UNC45B: variants seen among roughly 807,000 people sequenced by gnomAD.
The protein encoded by UNC45B is protein unc-45 homolog B.
A neutral mutation model predicts 98.7 loss-of-function variants in UNC45B; 78 were observed. The observed-to-expected ratio is 0.79, with a 90% CI of 0.66 to 0.95. The LOEUF (loss-of-function observed/expected upper bound fraction) is 0.95, where lower values mean the gene tolerates loss of function less well. UNC45B is among the 40% of genes least tolerant of loss of function. UNC45B has a pLI of 0.00. For synonymous variants in UNC45B, 462 were observed against 480.4 expected (o/e 0.96, Z 0.50); for missense variants, 1,225 against 1,184.9 (o/e 1.03, Z -0.50).
chr17:35,174,939 AAAAG>A (rs1230720522), intron 14 of UNC45B, among the ~76,000 whole-genome samples: 1,133 of 96,898 alleles, frequency 0.012, 18 homozygotes, highest in East Asian at 0.067. Flanking sequence ...GAAAGAAAGA[AAAAG>A]AAAGAAAGAA....
rs766852451 is a variant in UNC45B, at chr17:35,147,923, C to T, written c.-1+13C>T. On this transcript the variant is annotated intron_variant, in intron 1 of 19. Coordinates refer to ENST00000394570, the MANE Select transcript of UNC45B (RefSeq NM_001267052.2). ...CCTTGCTGAAAAAGTGAGCATGGGC[C>T]TGGGGTGTGCCCTGGACTGGGGAGG... is the stretch of plus-strand genomic sequence containing the variant. 27 of 268,576 alleles carry T rather than the reference C, an allele frequency of 1.0e-4. No homozygotes were observed. The highest frequency in any genetic ancestry group is 1.8e-4 in the Non-Finnish European group (25 of 139,432). 16.6% of individuals were successfully genotyped at this position (268,576 alleles called of 1,614,324 possible).
chr17:35,178,698 C>G (rs2092253014), intron 17 of UNC45B, among the ~76,000 whole-genome samples: 1 of 152,160 alleles, frequency 6.6e-6, no homozygotes, highest in African/African-American at 2.4e-5. Context: ...TTTAATCCAT[C>G]TTGAGTTAAT....
At chr17:35,179,243 TG>T (rs1184649359) in intron 17 of UNC45B, among the ~76,000 whole-genome samples, 1 of 152,192 alleles carries the variant, frequency 6.6e-6, no homozygotes, top group African/African-American at 2.4e-5. Context: ...AGCAGTGGTT[TG>T]TAGTTCTCCT....
At position 35,168,028 on chromosome 17, in the gene UNC45B, A is replaced by G. The variant is rs372066628; in HGVS notation, c.1152-33A>G. 37 of 1,425,894 alleles carry G rather than the reference A, an allele frequency of 2.6e-5. No homozygotes were observed. The Admixed American group carries it at 3.4e-4, about 13-fold the overall frequency. 88.3% of individuals were successfully genotyped at this position (1,425,894 alleles called of 1,614,324 possible). On this transcript the variant is annotated intron_variant, in intron 9 of 19. Transcript: ENST00000394570. ...CACACTCTTTCCACTCTCTTGGACC[A>G]GTTCTCTTGACCACCCTTGTCCTTT...
In UNC45B at chr17:35,169,840, C is replaced by T. The variant is rs2142567239; in HGVS notation, c.1456C>T (p.Leu486Phe). The change falls in exon 11 of 20, where the codon CTC becomes TTC. Residue 486 changes from leucine to phenylalanine, a missense_variant. By Grantham distance (22) the Leu-to-Phe change is conservative. Transcript: ENST00000394570. ...EKIKIRTLVG[L>F]CKLGSAGGTD... ...TGCTGTCTCCTCTCCTCCTCAGGGA[C>T]TCTGTAAGCTCGGCTCTGCAGGTGG... The T allele has an allele frequency of 2.5e-6, 4 of 1,614,100 alleles. No individual in the cohort carries two copies. Among genetic ancestry groups the T allele is most frequent in the South Asian group, 1.1e-5 (1 of 91,076 alleles).
At chr17:35,177,834 T>C (rs896719388) in intron 17 of UNC45B, among the ~76,000 whole-genome samples, 3 of 149,506 alleles carry the variant, frequency 2.0e-5, no homozygotes, top group Non-Finnish European at 4.5e-5. Context: ...CCTTTTCTTT[T>C]CTTTTGTCTT....
At chr17:35,148,011 T>G (rs1254603921) in intron 1 of UNC45B, 101 bp downstream of exon 1, 29 of 502,702 alleles carry the variant, frequency 5.8e-5, no homozygotes, top group Non-Finnish European at 7.5e-5. Context: ...CTAAGCAGCT[T>G]CGCCTGCTCA....
At chr17:35,171,191 T>C in intron 12 of UNC45B, 131 bp from the exon 13 acceptor site, 1 of 1,189,076 alleles carries the variant, frequency 8.4e-7, no homozygotes, top group Non-Finnish European at 1.2e-6. Context: ...CTGTCTTTCC[T>C]CAGAATGGGC....
chr17:35,179,115 A>C (rs1468789984), intron 17 of UNC45B, among the ~76,000 whole-genome samples: 2 of 152,206 alleles, frequency 1.3e-5, no homozygotes, highest in Non-Finnish European at 2.9e-5. Context: ...GCTTCATGGG[A>C]ATGGCATTGA....
At chr17:35,159,600 G>A (rs1326083687) in intron 8 of UNC45B, 55 bp downstream of exon 8, 2 of 1,569,576 alleles carry the variant, frequency 1.3e-6, no homozygotes, top group African/African-American at 1.4e-5. Context: ...GGGCACCAGG[G>A]CACTGAACAG....
rs1201682988 is a variant in UNC45B, at chr17:35,187,817, G to C, written c.*1258G>C. ...AATATTGCCTTTTTAGCATGGTTAA[G>C]ATAGCTAAGATCTAGTACTGTCACT... On this transcript the variant is annotated 3_prime_UTR_variant, in exon 20 of 20. Transcript: ENST00000394570. The C allele has an allele frequency of 6.6e-6, 1 of 152,216 alleles. No homozygotes were observed. Among genetic ancestry groups the C allele is most frequent in the African/African-American group, 2.4e-5 (1 of 41,448 alleles). 9.4% of individuals were successfully genotyped at this position (152,216 alleles called of 1,614,324 possible). A position where few individuals can be genotyped will look rare whatever the true frequency, so the allele number is the denominator to read the frequency against.
Position 35,179,822 on chromosome 17 carries a change from G to C in UNC45B, c.2256-737G>C, listed in dbSNP as rs1009657084. 3.3e-5 allele frequency among the ~76,000 whole-genome samples: 5 copies of C among 152,118 alleles called. No homozygotes were observed. In the South Asian group the frequency reaches 6.2e-4, roughly 19 times the overall value. Reference sequence around the variant, plus strand: ...TGTAAATGACGAGTTGATGGGCGCAGCAAGCCAACATGGCACGCACATGTA... The same window carrying C: ...TGTAAATGACGAGTTGATGGGCGCACCAAGCCAACATGGCACGCACATGTA... On this transcript the variant is annotated intron_variant, in intron 17 of 19. Transcript: ENST00000394570.
chr17:35,157,908 T>A (rs754429245), intron 7 of UNC45B, among the ~76,000 whole-genome samples: 1 of 152,098 alleles, frequency 6.6e-6, no homozygotes, highest in Non-Finnish European at 1.5e-5. Flanking sequence ...TGAGACAGAG[T>A]CTTGTCTATC....
chr17:35,172,669 C>A (rs529520536), intron 13 of UNC45B, among the ~76,000 whole-genome samples: 1 of 152,280 alleles, frequency 6.6e-6, no homozygotes, highest in South Asian at 2.1e-4. Flanking sequence ...GCCCCTTCCC[C>A]ACCACTCCTC....
At chr17:35,179,228 T>C (rs1300526612) in intron 17 of UNC45B, among the ~76,000 whole-genome samples, 1 of 152,184 alleles carries the variant, frequency 6.6e-6, no homozygotes, top group African/African-American at 2.4e-5. Context: ...TCTTTTATTT[T>C]GTTGAGCAGT....
At chr17:35,154,484 T>C in intron 5 of UNC45B, 90 bp from the exon 6 acceptor site, 1 of 1,227,992 alleles carries the variant, frequency 8.1e-7, no homozygotes, top group East Asian at 2.6e-5. Context: ...AGATCCAGTC[T>C]TTGCACTGGC....
rs766388093 is a variant in UNC45B, at chr17:35,154,725, G to A, written c.623G>A (p.Ser208Asn). ...AAVRTLSGMC[S>N]GHQARATVIL... ...GTGCGGACCCTGTCGGGCATGTGCA[G>A]CGGCCACCAAGCCAGAGTAAGTGCC... Residue 208 changes from serine to asparagine, a missense_variant, in exon 6 of 20, where the codon AGC (serine) becomes AAC (asparagine). Ser to Asn is a conservative substitution (Grantham distance 46). Transcript: ENST00000394570. The A allele has an allele frequency of 5.6e-6, 9 of 1,593,566 alleles. No individual in the cohort carries two copies. The South Asian group carries it at 1.0e-4, about 18-fold the overall frequency.
At chr17:35,152,238 T>C (rs2092024969) in intron 4 of UNC45B, among the ~76,000 whole-genome samples, 1 of 151,694 alleles carries the variant, frequency 6.6e-6, no homozygotes, top group Admixed American at 6.6e-5. Context: ...AGAGCAAGAC[T>C]GCATCTCAAA....
chr17:35,147,991 T>G, intron 1 of UNC45B, 81 bp downstream of exon 1: 1 of 453,828 alleles, frequency 2.2e-6, no homozygotes, highest in East Asian at 4.0e-5. Context: ...GTTCAGGCCT[T>G]TGGCACAAAC....
Sources: gnomAD v4.1 joint callset for allele counts (sites outside exome capture counted in the v4.1 genomes callset) on GRCh38, gnomAD v4.1.1 for gene constraint, MANE v1.5 for transcripts, NCBI Gene and HGNC (gene_info 2026-07-23, HGNC 2026-07-21) for gene names.